The following LMF1 variants were observed in gnomAD, a reference collection of about 807,000 sequenced individuals.
LMF1 encodes transmembrane protein 112.
Under a neutral mutation model 60.6 loss-of-function variants are expected in LMF1, and 68 were observed. The ratio of observed to expected loss-of-function variants is 1.12; its 90% confidence interval spans 0.92 to 1.37. The LOEUF (loss-of-function observed/expected upper bound fraction) is 1.37, where lower values mean the gene tolerates loss of function less well. Ranked by LOEUF, LMF1 falls within the 40% of genes most tolerant of loss-of-function variation. The pLI, the probability that LMF1 is intolerant of heterozygous loss-of-function variation, is 0.00. For synonymous variants in LMF1, 418 were observed against 324.7 expected, an observed-to-expected ratio of 1.29 and a Z score of -3.09; for missense variants, 948 against 767.2, an observed-to-expected ratio of 1.24 and a Z score of -2.78.
upstream of LMF1, chr16:975,738 A>G (rs1237220821): frequency 2.3e-6 from 1 of 444,020 alleles, no homozygotes; most frequent in African/African-American, 2.0e-5. Context: ...GCTCAGAAAA[A>G]TAAATACTTG....
chr16:953,199 ATG>A (rs2072538927), intron 2 of LMF1, among the ~76,000 whole-genome samples: 1 of 92,946 alleles, frequency 1.1e-5, no homozygotes, highest in Non-Finnish European at 2.3e-5. Context: ...AGCCTCCTAC[ATG>A]TCCACACAGA....
chr16:857,469 GGGTGTGAGTGGTGTCACC>G (rs1318621243), intron 10 of LMF1, among the ~76,000 whole-genome samples: 14 of 127,152 alleles, frequency 1.1e-4, no homozygotes, highest in African/African-American at 2.4e-4. Context: ...GTCTCGGGAC[GGGTGTGAGTGGTGTCACC>G]GGACGGGTGT....
At chr16:951,118 T>C (rs368487233) in intron 2 of LMF1, among the ~76,000 whole-genome samples, 3,795 of 44,470 alleles carry the variant, frequency 0.085, 978 homozygotes, top group African/African-American at 0.32. Flanking sequence ...AGTCAGCCAA[T>C]GACAGAGTCA....
At chr16:951,270 C>G (rs558827955) in intron 2 of LMF1, among the ~76,000 whole-genome samples, 1 of 139,772 alleles carries the variant, frequency 7.2e-6, no homozygotes, top group African/African-American at 2.7e-5. Context: ...AGAGTCAGAG[C>G]CAACGACAGA....
At chr16:953,969 CTA>C in intron 2 of LMF1, among the ~76,000 whole-genome samples, 1 of 50,194 alleles carries the variant, frequency 2.0e-5, no homozygotes, top group Non-Finnish European at 4.3e-5. Flanking sequence ...AACCAGCCTC[CTA>C]CATGTCCACA....
chr16:943,463 T>C (rs573510055), intron 2 of LMF1, among the ~76,000 whole-genome samples: 23 of 145,008 alleles, frequency 1.6e-4, no homozygotes, highest in African/African-American at 5.6e-4. Context: ...TGGTAGTTCA[T>C]GCCTGTAATC....
chr16:966,041 G>C (rs1171349786), intron 1 of LMF1, among the ~76,000 whole-genome samples: 1 of 152,022 alleles, frequency 6.6e-6, no homozygotes, highest in Non-Finnish European at 1.5e-5. Flanking sequence ...GTCAGCCCTG[G>C]GTGGGGTCAG....
At chr16:925,306 C>T (rs1471727195) in intron 3 of LMF1, among the ~76,000 whole-genome samples, 1 of 152,208 alleles carries the variant, frequency 6.6e-6, no homozygotes, top group Non-Finnish European at 1.5e-5. Flanking sequence ...AACACTTCTT[C>T]AGTAGTTTAG....
chr16:866,771 A>G (rs923185801), intron 10 of LMF1, among the ~76,000 whole-genome samples: 97 of 152,264 alleles, frequency 6.4e-4, no homozygotes, highest in African/African-American at 2.3e-3. Flanking sequence ...CCCTTTAGTC[A>G]GAGAGAGCAG....
chr16:959,975 G>A (rs759105738), intron 1 of LMF1, among the ~76,000 whole-genome samples: 1 of 152,210 alleles, frequency 6.6e-6, no homozygotes, highest in Non-Finnish European at 1.5e-5. Flanking sequence ...AGATGGATAG[G>A]TGGATACGAC....
intron 2 of LMF1, among the ~76,000 whole-genome samples, chr16:952,003 G>A (rs967235497): frequency 1.1e-4 from 16 of 151,902 alleles, no homozygotes; most frequent in African/African-American, 3.9e-4. Flanking sequence ...GAGAGCGCCT[G>A]ACCCCAGCAC....
chr16:916,714 A>G (rs952712244), intron 3 of LMF1, among the ~76,000 whole-genome samples: 2 of 152,218 alleles, frequency 1.3e-5, no homozygotes, highest in Non-Finnish European at 2.9e-5. Context: ...CACGGGGAAA[A>G]CATCTTTTGT....
intron 3 of LMF1, among the ~76,000 whole-genome samples, chr16:926,549 T>C (rs78140655): frequency 0.01 from 1,529 of 152,362 alleles, 26 homozygotes; most frequent in African/African-American, 0.035. Flanking sequence ...AAGATAAGAA[T>C]GGACGGAACC....
rs1214270646 is a variant in LMF1, at chr16:954,423, G to C, written c.437C>G (p.Ala146Gly). ...ISSFVLITGC[A>G]NMLLMAALWG... ...CAGGGCAGCCATGAGAAGCATGTTG[G>C]CGCAGCCCGTGATCAGTACGAAAGA... Residue 146 changes from alanine (A) to glycine (G), a missense_variant, in exon 2 of 11, where the codon GCC becomes GGC. By Grantham distance (60) the Ala-to-Gly change is moderately conservative. Coordinates refer to ENST00000262301, the MANE Select transcript of LMF1 (RefSeq NM_022773.4). 6.2e-7 allele frequency: 1 copy of C among 1,613,052 alleles called. No individual in the cohort carries two copies. The highest frequency in any genetic ancestry group is 1.3e-5 in the African/African-American group (1 of 75,034).
chr16:862,817 C>T (rs2069502495), intron 10 of LMF1, among the ~76,000 whole-genome samples: 1 of 151,868 alleles, frequency 6.6e-6, no homozygotes. Context: ...ATGTTTGTGC[C>T]ATTGCACTCC....
rs1300312871 is a variant in LMF1 at position 953,288 on chromosome 16, C to CACGG, written c.503+1068_503+1069insCCGT. ...CCAGCCTCCTACACGTCCACACAGA[C>CACGG]ACCCCAAACCAGCCTCCTACACGTC... On this transcript the variant is annotated intron_variant, in intron 2 of 10. Coordinates refer to ENST00000262301, the MANE Select transcript of LMF1 (RefSeq NM_022773.4). Among the ~76,000 whole-genome samples the CACGG allele has an allele frequency of 1.3e-3, 39 of 30,282 alleles. 4 individuals are homozygous for CACGG. The highest frequency in any genetic ancestry group is 7.6e-3 in the African/African-American group (29 of 3,818). The allele number at this position is 30,282 out of a possible 152,430, so 19.9% of individuals were successfully genotyped here. A position where few individuals can be genotyped will look rare whatever the true frequency, so the allele number is the denominator to read the frequency against.
At position 854,703 on chromosome 16, in the gene LMF1, C is replaced by T. The variant is rs370333269; in HGVS notation, c.1533G>A (p.Trp511Ter). 1.9e-6 allele frequency: 3 copies of T among 1,587,216 alleles called. No individual in the cohort carries two copies. The South Asian group carries it at 3.4e-5, about 18-fold the overall frequency. Residue 511 changes from tryptophan to a stop codon, truncating the protein, a stop_gained, in exon 11 of 11, where the codon TGG becomes TGA. Transcript: ENST00000262301. LOFTEE classifies it low-confidence loss of function (END_TRUNC). Reference protein sequence around the residue: ...NPFAGRPPPRWVRGEHYRYKF... With the variant: ...NPFAGRPPPR The stretch of plus-strand genomic sequence containing the variant: ...TGTACCTGTAGTGCTCTCCTCGGAC[C>T]CACCTGCAAGGGGGCACATGTCAGC...
chr16:937,371 G>A (rs5015437), intron 2 of LMF1, among the ~76,000 whole-genome samples: 72,336 of 151,862 alleles, frequency 0.48, 18,828 homozygotes, highest in African/African-American at 0.69. Flanking sequence ...ACAGTGGGAC[G>A]TAGATTTTGC....
chr16:867,858 C>A (rs1171676208), intron 10 of LMF1, among the ~76,000 whole-genome samples: 1 of 152,154 alleles, frequency 6.6e-6, no homozygotes, highest in African/African-American at 2.4e-5. Context: ...CTGCCAGACT[C>A]GGGCCCAGCT....
Sources: allele counts gnomAD v4.1 joint callset (sites outside exome capture counted in the v4.1 genomes callset), GRCh38; gene constraint gnomAD v4.1.1; transcripts MANE v1.5; gene names NCBI Gene and HGNC (gene_info 2026-07-23, HGNC 2026-07-21).